Variants in IL1RAPL2 observed in about 807,000 individuals in gnomAD.
The protein encoded by IL1RAPL2 is X-linked interleukin-1 receptor accessory protein-like 2.
IL1RAPL2 carries 3 observed loss-of-function variants against 44.1 expected under a neutral mutation model. The observed-to-expected ratio is 0.07, with a 90% confidence interval of 0.03 to 0.18. IL1RAPL2 has a LOEUF of 0.18. Ranked by LOEUF, IL1RAPL2 falls within the 10% of genes least tolerant of loss-of-function variation. IL1RAPL2 has a pLI of 1.00. For missense variants in IL1RAPL2, 391 were observed against 496.4 expected, an observed-to-expected ratio of 0.79 and a Z score of 2.02; for synonymous variants, 181 against 178.8, an observed-to-expected ratio of 1.01 and a Z score of -0.10.
intron 5 of IL1RAPL2, among the ~76,000 whole-genome samples, chrX:105,277,410 A>G (rs2034494646): frequency 9.0e-6 from 1 of 111,295 alleles, no homozygotes; most frequent in Non-Finnish European, 1.9e-5. Context: ...CTTTCCTCCT[A>G]GGCTTTATTC....
chrX:105,260,815 GC>G (rs932012813), intron 4 of IL1RAPL2, among the ~76,000 whole-genome samples: 3 of 112,491 alleles, frequency 2.7e-5, no homozygotes, highest in African/African-American at 6.4e-5. Context: ...GATTCCCCCT[GC>G]CCCCGGCCCT....
In IL1RAPL2 at chrX:104,968,979, CTGTGTGTGTGTGTGTG is replaced by C. The variant is rs35842489; in HGVS notation, c.83-226466_83-226451del. Reference sequence around the variant, plus strand: ...ACAGGGTTTTGTTTTTTGCCTTTTGCTGTGTGTGTGTGTGTGTGTGTGTGTGTGTGTGTGTGTGTGT... The same window carrying C: ...ACAGGGTTTTGTTTTTTGCCTTTTGCTGTGTGTGTGTGTGTGTGTGTGTGT... On this transcript the variant is annotated intron_variant, in intron 2 of 10. Coordinates refer to ENST00000372582, the MANE Select transcript of IL1RAPL2 (RefSeq NM_017416.2). Among the ~76,000 whole-genome samples, 78 of 82,048 alleles carry C rather than the reference CTGTGTGTGTGTGTGTG, an allele frequency of 9.5e-4. 1 individual carries two copies. Among genetic ancestry groups the C allele is most frequent in the Middle Eastern group, 6.1e-3 (1 of 165 alleles). 71.2% of individuals were successfully genotyped at this position (82,048 alleles called of 115,157 possible).
intron 5 of IL1RAPL2, among the ~76,000 whole-genome samples, chrX:105,367,935 T>C (rs1297540704): frequency 9.0e-6 from 1 of 111,258 alleles, no homozygotes; most frequent in Non-Finnish European, 1.9e-5. Flanking sequence ...CTAGTGGTGA[T>C]AAATTATCTT....
At chrX:105,181,865 C>T (rs1485654711) in intron 2 of IL1RAPL2, among the ~76,000 whole-genome samples, 1 of 109,084 alleles carries the variant, frequency 9.2e-6, no homozygotes, top group Non-Finnish European at 1.9e-5. Flanking sequence ...GAGATGGAGA[C>T]CATTCTGGCT....
intron 1 of IL1RAPL2, among the ~76,000 whole-genome samples, chrX:104,629,812 C>G (rs1410849339): frequency 9.0e-6 from 1 of 111,535 alleles, no homozygotes; most frequent in Non-Finnish European, 1.9e-5. Flanking sequence ...GTTCTTAGAG[C>G]CTTTATTGAC....
intron 6 of IL1RAPL2, among the ~76,000 whole-genome samples, chrX:105,575,188 A>C (rs1005535097): frequency 9.0e-6 from 1 of 111,135 alleles, no homozygotes; most frequent in Non-Finnish European, 1.9e-5. Flanking sequence ...TTCCTTTTTT[A>C]ATTTTTATTT....
chrX:104,683,847 TG>T (rs1014632696), intron 2 of IL1RAPL2, among the ~76,000 whole-genome samples: 20 of 111,777 alleles, frequency 1.8e-4, no homozygotes, highest in African/African-American at 6.2e-4. Context: ...GAGATTGAGG[TG>T]GGGGTATGTG....
chrX:105,440,044 T>A (rs2035909887), intron 5 of IL1RAPL2, among the ~76,000 whole-genome samples: 2 of 111,689 alleles, frequency 1.8e-5, no homozygotes, highest in Admixed American at 9.5e-5. Context: ...TAAAAATAAA[T>A]TCATATACCA....
intron 2 of IL1RAPL2, among the ~76,000 whole-genome samples, chrX:104,943,549 C>A (rs768147221): frequency 2.2e-4 from 25 of 111,703 alleles, no homozygotes; most frequent in African/African-American, 7.8e-4. Context: ...GGCATGCTAA[C>A]CCCGTTAGGG....
intron 1 of IL1RAPL2, among the ~76,000 whole-genome samples, chrX:104,609,216 G>A (rs148064939): frequency 0.049 from 5,470 of 111,920 alleles, 351 homozygotes; most frequent in African/African-American, 0.17. Flanking sequence ...TCTGCAGAGT[G>A]ATCTGCTGTT....
At chrX:105,135,788 T>C (rs918299953) in intron 2 of IL1RAPL2, among the ~76,000 whole-genome samples, 4 of 111,117 alleles carry the variant, frequency 3.6e-5, no homozygotes, top group East Asian at 5.7e-4. Flanking sequence ...CAAGGAGATA[T>C]GTTATGCAGA....
chrX:105,287,976 G>A (rs927986591), intron 5 of IL1RAPL2, among the ~76,000 whole-genome samples: 16 of 111,234 alleles, frequency 1.4e-4, no homozygotes, highest in African/African-American at 5.2e-4. Flanking sequence ...TAGTTACAGT[G>A]CAACAATGAG....
chrX:105,372,560 C>T (rs1444896966), intron 5 of IL1RAPL2, among the ~76,000 whole-genome samples: 3 of 110,772 alleles, frequency 2.7e-5, no homozygotes, highest in African/African-American at 6.6e-5. Context: ...GTTTGTTGTA[C>T]GGATTATTTC....
At chrX:105,042,650 C>A (rs1180380295) in intron 2 of IL1RAPL2, among the ~76,000 whole-genome samples, 1 of 102,256 alleles carries the variant, frequency 9.8e-6, no homozygotes, top group Non-Finnish European at 2.0e-5. Context: ...CTAGTTCAAC[C>A]ATTGTGGAAG....
intron 2 of IL1RAPL2, among the ~76,000 whole-genome samples, chrX:104,743,278 C>T (rs1249497261): frequency 3.7e-5 from 4 of 108,669 alleles, no homozygotes; most frequent in South Asian, 7.8e-4. Context: ...CACTTATTTG[C>T]TTCAGACCTT....
rs868682044 is a variant in IL1RAPL2, at chrX:105,074,759, C to A, written c.83-120716C>A. Among the ~76,000 whole-genome samples, 20 of 108,327 alleles carry A rather than the reference C, an allele frequency of 1.8e-4. No individual in the cohort carries two copies. In the Middle Eastern group the frequency reaches 0.019, roughly 101 times the overall value. 94.1% of individuals were successfully genotyped at this position (108,327 alleles called of 115,157 possible). On this transcript the variant is annotated intron_variant, in intron 2 of 10. Transcript: ENST00000372582. ...TTCTCCTTGAAGAGGTTCTTCACAT[C>A]CCTTGTAAGTTGGATTCCTAGGTAT...
chrX:104,830,456 G>T (rs893784451), intron 2 of IL1RAPL2, among the ~76,000 whole-genome samples: 60 of 111,701 alleles, frequency 5.4e-4, no homozygotes, highest in African/African-American at 1.8e-3. Context: ...CAAGATATAT[G>T]TGTGTAATAT....
At chrX:104,956,281 C>T (rs1318903922) in intron 2 of IL1RAPL2, among the ~76,000 whole-genome samples, 1 of 111,768 alleles carries the variant, frequency 8.9e-6, no homozygotes, top group Non-Finnish European at 1.9e-5. Context: ...TGACACTAAT[C>T]CTGGTTAACT....
At chrX:105,568,734 C>A (rs1211464672) in intron 6 of IL1RAPL2, among the ~76,000 whole-genome samples, 1 of 112,126 alleles carries the variant, frequency 8.9e-6, no homozygotes, top group African/African-American at 3.2e-5. Context: ...TGGAAAATAT[C>A]AACTGGGTAA....
Sources: allele counts gnomAD v4.1 joint callset (sites outside exome capture counted in the v4.1 genomes callset), GRCh38; gene constraint gnomAD v4.1.1; transcripts MANE v1.5; gene names NCBI Gene and HGNC (gene_info 2026-07-23, HGNC 2026-07-21).